CATSPERE: variants seen among roughly 807,000 people sequenced by gnomAD.
CATSPERE encodes cation channel sperm-associated auxiliary subunit epsilon.
In CATSPERE, 93 loss-of-function variants were observed where a neutral mutation model predicts 114.1. The ratio of observed to expected loss-of-function variants is 0.81; its 90% CI spans 0.69 to 0.97. The LOEUF is 0.97. Among genes scored for constraint, CATSPERE ranks in the 50% least tolerant of loss-of-function variants. The pLI, the probability that CATSPERE is intolerant of heterozygous loss-of-function variation, is 0.00. For missense variants in CATSPERE, 1,058 were observed against 1,131.6 expected (o/e 0.93, Z 0.93); for synonymous variants, 341 against 384.1 (o/e 0.89, Z 1.31).
chr1:244,490,303 A>C (rs1031884308), intron 5 of CATSPERE, 144 bp from the exon 6 acceptor site: 8 of 529,014 alleles, frequency 1.5e-5, no homozygotes, highest in Non-Finnish European at 2.4e-5. Flanking sequence ...TTTTGTTTTT[A>C]CATTTAGCCT....
At chr1:244,506,519 A>G (rs1031559405) in intron 7 of CATSPERE, among the ~76,000 whole-genome samples, 1 of 152,216 alleles carries the variant, frequency 6.6e-6, no homozygotes, top group African/African-American at 2.4e-5. Flanking sequence ...TTAACAGTAC[A>G]CAAAGGTTCC....
intron 20 of CATSPERE, among the ~76,000 whole-genome samples, chr1:244,622,370 T>A (rs1672498660): frequency 6.6e-6 from 1 of 151,806 alleles, no homozygotes. Flanking sequence ...GTTTATTTCC[T>A]AGCAGAATAA....
chr1:244,479,899 C>T (rs1572297895), intron 5 of CATSPERE, 115 bp downstream of exon 5: 1 of 473,380 alleles, frequency 2.1e-6, no homozygotes, highest in Non-Finnish European at 3.7e-6. Flanking sequence ...CTTTCATTCA[C>T]CAACCAAGCT....
intron 6 of CATSPERE, among the ~76,000 whole-genome samples, chr1:244,492,427 T>C (rs1303585986): frequency 2.8e-5 from 4 of 144,680 alleles, no homozygotes; most frequent in Admixed American, 1.4e-4. Flanking sequence ...ATAAATTAGG[T>C]ATTGATGGGA....
chr1:244,597,063 A>G (rs914600974), intron 17 of CATSPERE, among the ~76,000 whole-genome samples: 1 of 152,108 alleles, frequency 6.6e-6, no homozygotes, highest in Non-Finnish European at 1.5e-5. Flanking sequence ...AATCAAGAAC[A>G]TTGCTCCTGA....
intron 7 of CATSPERE, among the ~76,000 whole-genome samples, chr1:244,515,772 C>A (rs1449972256): frequency 6.6e-6 from 1 of 151,374 alleles, no homozygotes; most frequent in Middle Eastern, 3.2e-3. Context: ...ACATGTACAG[C>A]CATATGTTGA....
chr1:244,477,969 TG>T lies in CATSPERE; in HGVS notation c.254del (p.Gly85AlafsTer59). 1 of 1,594,194 alleles carries T rather than the reference TG, an allele frequency of 6.3e-7. No homozygotes were observed. Among genetic ancestry groups the T allele is most frequent in the Non-Finnish European group, 8.6e-7 (1 of 1,163,068 alleles). On this transcript the variant is annotated frameshift_variant, in exon 4 of 22. Coordinates refer to ENST00000366534, the MANE Select transcript of CATSPERE (RefSeq NM_001130957.2). LOFTEE classifies it high-confidence loss of function. Reference protein sequence around the residue: ...GVHAIKPIVTGPDEEERYLFV... With the variant: ...GVHAIKPIVTXPDEEERYLFV... ...TTCACGCTATAAAACCAATTGTTACTGGCCCAGTAAGTTGTTTTAATGATAT... is the reference window on the plus strand; with the variant it reads ...TTCACGCTATAAAACCAATTGTTACTGCCCAGTAAGTTGTTTTAATGATAT...
At chr1:244,451,972 C>T, upstream of CATSPERE, 1 of 729,092 alleles carries the variant, frequency 1.4e-6, no homozygotes, top group Non-Finnish European at 2.1e-6. The surrounding 1 kb of genome is among the most constrained non-coding windows in gnomAD (Gnocchi z 6.6). Flanking sequence ...CCAGCCAGTC[C>T]CCGCCCCGCT....
chr1:244,630,994 A>G lies in CATSPERE; in HGVS notation c.2649-4495A>G, dbSNP rs190669855. ...TACATATTCTTAGGGTATTGCTTAT[A>G]TAAGTTAGCAAAATTCTGCAGTTAT... On this transcript the variant is annotated intron_variant, in intron 20 of 21. Coordinates refer to ENST00000366534, the MANE Select transcript of CATSPERE (RefSeq NM_001130957.2). Among the ~76,000 whole-genome samples the G allele has an allele frequency of 5.9e-5, 9 of 152,310 alleles. No individual in the cohort carries two copies. The East Asian group carries it at 1.5e-3, about 26-fold the overall frequency.
chr1:244,537,185 T>C (rs962413336), intron 8 of CATSPERE, among the ~76,000 whole-genome samples: 7 of 152,220 alleles, frequency 4.6e-5, no homozygotes, highest in African/African-American at 1.7e-4. Flanking sequence ...AGACTCTCTT[T>C]ATCAAGTTTA....
At chr1:244,591,845 T>G in intron 15 of CATSPERE, 114 bp downstream of exon 15, 1 of 660,810 alleles carries the variant, frequency 1.5e-6, no homozygotes, top group East Asian at 3.1e-5. Flanking sequence ...GGCTTGACAC[T>G]GTGCAGTCAG....
intron 6 of CATSPERE, among the ~76,000 whole-genome samples, chr1:244,491,249 C>T (rs1367292015): frequency 6.6e-6 from 1 of 152,186 alleles, no homozygotes; most frequent in Non-Finnish European, 1.5e-5. Flanking sequence ...AACTGTCTCT[C>T]AGACCACAGT....
At chr1:244,507,277 T>A (rs993467554) in intron 7 of CATSPERE, among the ~76,000 whole-genome samples, 2 of 152,178 alleles carry the variant, frequency 1.3e-5, no homozygotes, top group African/African-American at 4.8e-5. Context: ...TACCTAGTAG[T>A]GGGATTGCTG....
chr1:244,539,128 G>C (rs1311644839), intron 8 of CATSPERE, among the ~76,000 whole-genome samples: 1 of 152,216 alleles, frequency 6.6e-6, no homozygotes, highest in Non-Finnish European at 1.5e-5. Flanking sequence ...AAGTAGAGCA[G>C]TGTTTTGAGA....
intron 7 of CATSPERE, among the ~76,000 whole-genome samples, chr1:244,506,585 T>C (rs1188295953): frequency 6.6e-6 from 1 of 152,116 alleles, no homozygotes; most frequent in Non-Finnish European, 1.5e-5. Flanking sequence ...AGGAGGGAGT[T>C]TTATTTTGTT....
At chr1:244,572,859 A>G (rs1372527048) in intron 11 of CATSPERE, 87 bp downstream of exon 11, 2 of 883,192 alleles carry the variant, frequency 2.3e-6, no homozygotes, top group East Asian at 5.8e-5. Context: ...TTTCCCTTCT[A>G]GGCTCAGCTG....
intron 2 of CATSPERE, among the ~76,000 whole-genome samples, chr1:244,470,822 T>C (rs937870382): frequency 6.6e-6 from 1 of 152,238 alleles, no homozygotes; most frequent in Non-Finnish European, 1.5e-5. Flanking sequence ...AATGGAACAT[T>C]ACTTGTCAAT....
chr1:244,492,880 A>G (rs954607033), intron 6 of CATSPERE, among the ~76,000 whole-genome samples: 3 of 149,314 alleles, frequency 2.0e-5, no homozygotes, highest in African/African-American at 5.0e-5. Context: ...TAGGAATCCA[A>G]CTTACAAGGG....
chr1:244,623,119 C>T (rs893928032), intron 20 of CATSPERE, among the ~76,000 whole-genome samples: 1 of 143,752 alleles, frequency 7.0e-6, no homozygotes, highest in African/African-American at 2.5e-5. Context: ...GTTGCCCGGA[C>T]TGAAGTGCAG....
Sources: gnomAD v4.1 joint callset for allele counts (sites outside exome capture counted in the v4.1 genomes callset) on GRCh38, gnomAD v4.1.1 for gene constraint, Gnocchi (gnomAD v3.1) non-coding constraint, MANE v1.5 for transcripts, NCBI Gene and HGNC (gene_info 2026-07-23, HGNC 2026-07-21) for gene names.